Variants in CEP162 observed in about 807,000 individuals in gnomAD.
CEP162 encodes centrosomal protein of 162 kDa.
A neutral mutation model predicts 169.2 loss-of-function variants in CEP162; 141 were observed. That is an observed-to-expected ratio of 0.83 (90% CI 0.73 to 0.96). CEP162 has a LOEUF of 0.96. Ranked by LOEUF, CEP162 falls within the 40% of genes least tolerant of loss-of-function variation. The pLI, the probability that CEP162 is intolerant of heterozygous loss-of-function variation, is 0.00. For missense variants in CEP162, 1,600 were observed against 1,587.2 expected (o/e 1.01, Z -0.14); for synonymous variants, 540 against 526.4 (o/e 1.03, Z -0.35).
intron 6 of CEP162, among the ~76,000 whole-genome samples, chr6:84,210,156 T>C (rs943425820): frequency 6.6e-6 from 1 of 152,228 alleles, no homozygotes; most frequent in African/African-American, 2.4e-5. Flanking sequence ...AGATGTTACA[T>C]ATTCAAGTTA....
intron 11 of CEP162, among the ~76,000 whole-genome samples, chr6:84,192,385 G>C (rs951003774): frequency 2.6e-5 from 4 of 152,218 alleles, no homozygotes; most frequent in African/African-American, 9.6e-5. Flanking sequence ...TATAAGATGT[G>C]TAAGAAAATC....
intron 26 of CEP162, 23 bp downstream of exon 26, chr6:84,126,355 T>C: frequency 6.5e-7 from 1 of 1,541,320 alleles, no homozygotes; most frequent in African/African-American, 1.4e-5. Context: ...CCTATATAAA[T>C]ATGTAAATGT....
At chr6:84,172,032 C>T (rs1327904588) in intron 16 of CEP162, among the ~76,000 whole-genome samples, 1 of 152,108 alleles carries the variant, frequency 6.6e-6, no homozygotes, top group East Asian at 1.9e-4. Flanking sequence ...GAAGGAATCA[C>T]CACATCCTGA....
At chr6:84,155,953 A>G (rs2099522970) in intron 21 of CEP162, among the ~76,000 whole-genome samples, 1 of 152,220 alleles carries the variant, frequency 6.6e-6, no homozygotes, top group South Asian at 2.1e-4. Flanking sequence ...ACAAAGCTGG[A>G]GGTATCACAC....
At chr6:84,152,499 T>C (rs1345047562) in intron 23 of CEP162, 46 bp downstream of exon 23, 1 of 1,100,404 alleles carries the variant, frequency 9.1e-7, no homozygotes, top group Non-Finnish European at 1.2e-6. Flanking sequence ...TTTCTATTTT[T>C]ATCTTTTTAT....
At position 84,153,664 on chromosome 6, in the gene CEP162, A is replaced by G. The variant is rs538833922; in HGVS notation, c.2995-485T>C. 2.6e-5 allele frequency among the ~76,000 whole-genome samples: 4 copies of G among 152,320 alleles called. No homozygotes were observed. The East Asian group carries it at 7.7e-4, about 29-fold the overall frequency. On this transcript the variant is annotated intron_variant, in intron 22 of 26. Transcript: ENST00000403245. ...ATACTGGAGCTTTAATATTTTGTTTAGTATTCAGCAAATGAAATAAATAAT... is the reference window on the plus strand; with the variant it reads ...ATACTGGAGCTTTAATATTTTGTTTGGTATTCAGCAAATGAAATAAATAAT...
chr6:84,217,510 T>C (rs752570459), intron 3 of CEP162, among the ~76,000 whole-genome samples: 1 of 152,020 alleles, frequency 6.6e-6, no homozygotes, highest in African/African-American at 2.4e-5. Context: ...CATGTGTGAA[T>C]AGAAAGGAGG....
intron 2 of CEP162, 109 bp downstream of exon 2, chr6:84,226,228 G>A (rs2099555686): frequency 2.7e-6 from 2 of 733,468 alleles, no homozygotes; most frequent in Non-Finnish European, 2.4e-6. Context: ...AGGGATGATG[G>A]GAATTCAGAG....
chr6:84,139,763 TG>T (rs1286026788), intron 25 of CEP162, among the ~76,000 whole-genome samples: 3 of 152,226 alleles, frequency 2.0e-5, no homozygotes, highest in African/African-American at 7.2e-5. Flanking sequence ...TCTTTGAATT[TG>T]TGACTCTTGT....
In CEP162 at chr6:84,130,383, G is replaced by C. The variant is rs950544579; in HGVS notation, c.3871-3871C>G. 2.6e-5 allele frequency among the ~76,000 whole-genome samples: 4 copies of C among 152,150 alleles called. No individual in the cohort carries two copies. The East Asian group carries it at 5.8e-4, about 22-fold the overall frequency. ...GATGCTGGCCTCATAAAATGAGTTA[G>C]GGAGGAGTCCCTCTTTTTCTATTGT... On this transcript the variant is annotated intron_variant, in intron 25 of 26. Coordinates refer to ENST00000403245, the MANE Select transcript of CEP162 (RefSeq NM_014895.4).
At chr6:84,217,800 G>A (rs1359816931) in intron 3 of CEP162, 1 of 152,190 alleles carries the variant, frequency 6.6e-6, no homozygotes, top group Non-Finnish European at 1.5e-5. Context: ...GAGACTCACA[G>A]TGAAACAGCA....
intron 2 of CEP162, among the ~76,000 whole-genome samples, chr6:84,222,389 A>C (rs2127757897): frequency 6.6e-6 from 1 of 152,310 alleles, no homozygotes; most frequent in East Asian, 1.9e-4. Flanking sequence ...CTATTTTAAT[A>C]GCTTTGGCTT....
At chr6:84,147,305 T>C (rs1451690797) in intron 24 of CEP162, among the ~76,000 whole-genome samples, 3 of 152,018 alleles carry the variant, frequency 2.0e-5, no homozygotes, top group Non-Finnish European at 2.9e-5. Context: ...ACACAGAGAA[T>C]AGAACAATAG....
At chr6:84,135,992 T>C (rs2099513932) in intron 25 of CEP162, among the ~76,000 whole-genome samples, 1 of 152,206 alleles carries the variant, frequency 6.6e-6, no homozygotes, top group South Asian at 2.1e-4. Flanking sequence ...TGTGAGTACT[T>C]ACTTAATCTA....
At chr6:84,126,685 A>G (rs1005830217) in intron 25 of CEP162, among the ~76,000 whole-genome samples, 173 bp from the exon 26 acceptor site, 2 of 152,180 alleles carry the variant, frequency 1.3e-5, no homozygotes, top group African/African-American at 4.8e-5. Context: ...GGTTCCTCCT[A>G]ACTCTGAGTT....
At chr6:84,178,849 CCCTTCCTGTGTCCA>C (rs1247857145) in intron 13 of CEP162, among the ~76,000 whole-genome samples, 1 of 152,112 alleles carries the variant, frequency 6.6e-6, no homozygotes, top group African/African-American at 2.4e-5. Flanking sequence ...TGTGCTGTTC[CCCTTCCTGTGTCCA>C]AGTGTTCTCA....
At position 84,124,394 on chromosome 6, in the gene CEP162, TA is replaced by T. The variant is rs2099508125; in HGVS notation, c.*675del. On this transcript the variant is annotated 3_prime_UTR_variant, in exon 27 of 27. Coordinates refer to ENST00000403245, the MANE Select transcript of CEP162 (RefSeq NM_014895.4). ...ATATAAATGGAGTATTATGCAACTA[TA>T]AAAAAGAATGAAATCATGTCATTTG... The T allele has an allele frequency of 6.6e-6, 1 of 152,176 alleles. No individual in the cohort carries two copies. The highest frequency in any genetic ancestry group is 2.4e-5 in the African/African-American group (1 of 41,396). The allele number at this position is 152,176 out of a possible 1,614,324, so 9.4% of individuals were successfully genotyped here. A position where few individuals can be genotyped will look rare whatever the true frequency, so the allele number is the denominator to read the frequency against.
intron 25 of CEP162, among the ~76,000 whole-genome samples, chr6:84,141,582 C>T (rs570035318): frequency 6.6e-6 from 1 of 152,288 alleles, no homozygotes; most frequent in East Asian, 1.9e-4. Flanking sequence ...ACTCCTCCAA[C>T]TTCCCCAGGA....
chr6:84,153,083 G>A lies in CEP162; in HGVS notation c.3091C>T (p.Leu1031Phe), dbSNP rs766323916. The change falls in exon 23 of 27, where the codon CTT (leucine) becomes TTT (phenylalanine). Residue 1031 changes from leucine (L) to phenylalanine (F), a missense_variant. Physicochemically the swap from Leu to Phe is conservative, Grantham distance 22. Coordinates refer to ENST00000403245, the MANE Select transcript of CEP162 (RefSeq NM_014895.4). ...SPRIKALEKE[L>F]DDIKEAHQIT... The stretch of plus-strand genomic sequence containing the variant: ...TGATGGGCTTCCTTGATGTCATCAA[G>A]TTCCTTCTCTAGGGCTTTAATTCTG... The A allele has an allele frequency of 1.9e-6, 3 of 1,613,226 alleles. No homozygotes were observed. Among genetic ancestry groups the A allele is most frequent in the African/African-American group, 1.3e-5 (1 of 74,882 alleles).
Sources: allele counts gnomAD v4.1 joint callset (sites outside exome capture counted in the v4.1 genomes callset), GRCh38; gene constraint gnomAD v4.1.1; transcripts MANE v1.5; gene names NCBI Gene and HGNC (gene_info 2026-07-23, HGNC 2026-07-21).